FUT8: variants seen among roughly 807,000 people sequenced by gnomAD.
The protein encoded by FUT8 is fucosyltransferase 8.
Under a neutral mutation model 71.3 loss-of-function variants are expected in FUT8, and 29 were observed. The observed-to-expected ratio is 0.41, with a 90% CI of 0.30 to 0.55. The LOEUF is 0.55. Ranked by LOEUF, FUT8 falls within the 20% of genes least tolerant of loss-of-function variation. The pLI is 0.34. For synonymous variants in FUT8, 254 were observed against 239.3 expected (o/e 1.06, Z -0.57); for missense variants, 544 against 702.1 (o/e 0.77, Z 2.55).
chr14:65,609,628 T>A (rs72716413), intron 3 of FUT8, among the ~76,000 whole-genome samples: 3,665 of 152,060 alleles, frequency 0.024, 115 homozygotes, highest in Non-Finnish European at 0.039. Context: ...TTTATACTAG[T>A]ACCTCACTGT....
chr14:65,697,729 C>T (rs1297996190), intron 7 of FUT8, among the ~76,000 whole-genome samples: 1 of 152,106 alleles, frequency 6.6e-6, no homozygotes, highest in Non-Finnish European at 1.5e-5. Context: ...GGATCACCTG[C>T]GGTCAGGAGT....
At position 65,607,697 on chromosome 14, in the gene FUT8, G is replaced by T. The variant is rs531134375; in HGVS notation, c.204-8281G>T. ...TACTAATCTCAGGAATGGAATTTTA[G>T]AATTTCCTCTCTTTTTATATTTCCT... On this transcript the variant is annotated intron_variant, in intron 3 of 10. Coordinates refer to ENST00000673929, the MANE Select transcript of FUT8 (RefSeq NM_001371533.1). This position sits in a 1 kb window ranked among gnomAD's most constrained non-coding sequence, Gnocchi z 4.1. Among the ~76,000 whole-genome samples the T allele has an allele frequency of 3.3e-5, 5 of 151,820 alleles. No homozygotes were observed. The highest frequency in any genetic ancestry group is 1.2e-4 in the African/African-American group (5 of 41,460).
upstream of FUT8, among the ~76,000 whole-genome samples, chr14:65,410,104 T>C (rs1360007174): frequency 1.3e-5 from 2 of 152,150 alleles, no homozygotes; most frequent in African/African-American, 4.8e-5. Context: ...TTAGAACCTT[T>C]TGGGGGATTC....
intron 1 of FUT8, among the ~76,000 whole-genome samples, chr14:65,448,751 TAGAA>T (rs142894194): frequency 0.016 from 2,444 of 152,300 alleles, 37 homozygotes; most frequent in Admixed American, 0.038. Context: ...CATGGGAATT[TAGAA>T]AGAGTGATGG....
intron 3 of FUT8, among the ~76,000 whole-genome samples, chr14:65,591,179 G>C (rs1887665523): frequency 6.6e-6 from 1 of 152,138 alleles, no homozygotes. Context: ...AAATGAATGT[G>C]AAGTTAGTTT....
rs1394624935 is a variant in FUT8, at chr14:65,483,479, G to A, written c.-228+27761G>A. 6.6e-6 allele frequency among the ~76,000 whole-genome samples: 1 copy of A among 152,176 alleles called. No individual in the cohort carries two copies. The highest frequency in any genetic ancestry group is 2.4e-5 in the African/African-American group (1 of 41,450). ...CATTTCCATATGAATTTAAGAAACA[G>A]TATGTAAATATTTGATTGGAATTGC... On this transcript the variant is annotated intron_variant, in intron 2 of 10. Coordinates refer to ENST00000673929, the MANE Select transcript of FUT8 (RefSeq NM_001371533.1). This position sits in a 1 kb window ranked among gnomAD's most constrained non-coding sequence, Gnocchi z 4.4.
Position 65,467,445 on chromosome 14 carries a change from G to A in FUT8, c.-228+11727G>A, listed in dbSNP as rs141057278. 0.018 allele frequency among the ~76,000 whole-genome samples: 2,643 copies of A among 150,028 alleles called. 78 individuals carry two copies. The highest frequency in any genetic ancestry group is 0.061 in the African/African-American group (2,504 of 40,736). On this transcript the variant is annotated intron_variant, in intron 2 of 10. Coordinates refer to ENST00000673929, the MANE Select transcript of FUT8 (RefSeq NM_001371533.1). The surrounding 1 kb of genome is among the most constrained non-coding windows in gnomAD (Gnocchi z 4.1). ...CCTAAGTAGCTGGGACTACAGGTGCGCACCACCACACCTGGCTAATTTTTT... is the reference window on the plus strand; with the variant it reads ...CCTAAGTAGCTGGGACTACAGGTGCACACCACCACACCTGGCTAATTTTTT...
chr14:65,627,504 G>C lies in FUT8; in HGVS notation c.483-1988G>C, dbSNP rs1283183398. Among the ~76,000 whole-genome samples, 1 of 152,220 alleles carries C rather than the reference G, an allele frequency of 6.6e-6. No individual in the cohort carries two copies. The highest frequency in any genetic ancestry group is 2.4e-5 in the African/African-American group (1 of 41,462). On this transcript the variant is annotated intron_variant, in intron 5 of 10. Coordinates refer to ENST00000673929, the MANE Select transcript of FUT8 (RefSeq NM_001371533.1). This position sits in a 1 kb window ranked among gnomAD's most constrained non-coding sequence, Gnocchi z 4.0. ...GCTGTCTGACCATTGACTTGGGCCTGTATATATTGCTATGGTTCCGGGGTT... is the reference window on the plus strand; with the variant it reads ...GCTGTCTGACCATTGACTTGGGCCTCTATATATTGCTATGGTTCCGGGGTT...
At chr14:65,361,172 A>T in the FUT8 span, among the ~76,000 whole-genome samples, 1 of 151,978 alleles carries the variant, frequency 6.6e-6, no homozygotes, top group Non-Finnish European at 1.5e-5. Context: ...TCTGACCAAC[A>T]TAGTGAAACC....
In FUT8 at chr14:65,731,946, C is replaced by G. The variant is rs546476194; in HGVS notation, c.1260-1285C>G. Among the ~76,000 whole-genome samples, 3 of 152,302 alleles carry G rather than the reference C, an allele frequency of 2.0e-5. No individual in the cohort carries two copies. In the East Asian group the frequency reaches 5.8e-4, roughly 29 times the overall value. ...AGTTAGTCTTTATTCAAGGATAAAA[C>G]CTATGCTGGTTTTATCAGTTCCCCC... is the stretch of plus-strand genomic sequence containing the variant. On this transcript the variant is annotated intron_variant, in intron 9 of 10. Transcript: ENST00000673929.
intron 1 of FUT8, among the ~76,000 whole-genome samples, chr14:65,423,220 G>GTGATC (rs919899259): frequency 8.7e-5 from 13 of 149,214 alleles, no homozygotes; most frequent in African/African-American, 3.2e-4. Flanking sequence ...TCCTGACCTT[G>GTGATC]TGATCTGCCC....
chr14:65,524,054 G>A (rs569863917), intron 2 of FUT8, among the ~76,000 whole-genome samples: 67 of 152,254 alleles, frequency 4.4e-4, no homozygotes, highest in African/African-American at 9.9e-4. Flanking sequence ...TTGGCAATGC[G>A]GGCTCTTTTT....
chr14:65,706,982 G>A (rs1487306689), intron 7 of FUT8, among the ~76,000 whole-genome samples: 1 of 152,098 alleles, frequency 6.6e-6, no homozygotes, highest in African/African-American at 2.4e-5. Flanking sequence ...ACGTTTTCTT[G>A]CTGGAAGGTT....
the FUT8 span, among the ~76,000 whole-genome samples, chr14:65,364,884 A>G: frequency 3.6e-4 from 55 of 152,232 alleles, no homozygotes; most frequent in African/African-American, 1.3e-3. Flanking sequence ...CCTGGGCCAC[A>G]CTGGATTGCA....
At chr14:65,613,228 G>T (rs1015530222) in intron 3 of FUT8, among the ~76,000 whole-genome samples, 2 of 152,062 alleles carry the variant, frequency 1.3e-5, no homozygotes, top group East Asian at 3.9e-4. Flanking sequence ...GAGATAAAAA[G>T]GAGAACCTAG....
In FUT8 at chr14:65,488,682, C is replaced by T. The variant is rs1483855069; in HGVS notation, c.-228+32964C>T. ...CTTCTTAGTATCTGCTAGTTTGCCT[C>T]TTGCTTTGTGGCTCCTTGTGTTCCT... On this transcript the variant is annotated intron_variant, in intron 2 of 10. Transcript: ENST00000673929. The T allele has an allele frequency of 2.0e-5, 3 of 152,292 alleles. No individual in the cohort carries two copies. In the East Asian group the frequency reaches 5.8e-4, roughly 29 times the overall value. The allele number at this position is 152,292 out of a possible 1,614,324, so 9.4% of individuals were successfully genotyped here.
At chr14:65,372,692 C>T in the FUT8 span, among the ~76,000 whole-genome samples, 3 of 152,348 alleles carry the variant, frequency 2.0e-5, no homozygotes, top group African/African-American at 7.2e-5. Flanking sequence ...GCTGGGATTA[C>T]AGGCATGAGC....
At chr14:65,544,805 A>T (rs1884892026) in intron 2 of FUT8, among the ~76,000 whole-genome samples, 1 of 152,174 alleles carries the variant, frequency 6.6e-6, no homozygotes, top group Admixed American at 6.5e-5. Context: ...ATATGTATAT[A>T]CTATGACACT....
At chr14:65,576,963 AAAGT>A (rs1321119870) in intron 3 of FUT8, among the ~76,000 whole-genome samples, 3 of 151,606 alleles carry the variant, frequency 2.0e-5, no homozygotes, top group Non-Finnish European at 2.9e-5. Context: ...TAGGCCTCCC[AAAGT>A]GCTGGGATTA....
Sources: gnomAD v4.1 joint callset for allele counts (sites outside exome capture counted in the v4.1 genomes callset) on GRCh38, gnomAD v4.1.1 for gene constraint, Gnocchi (gnomAD v3.1) non-coding constraint, MANE v1.5 for transcripts, NCBI Gene and HGNC (gene_info 2026-07-23, HGNC 2026-07-21) for gene names.